MYO18A: variants seen among roughly 807,000 people sequenced by gnomAD.
MYO18A encodes the protein myosin XVIIIA.
Under a neutral mutation model 235.8 loss-of-function variants are expected in MYO18A, and 78 were observed. The observed-to-expected ratio is 0.33, with a 90% CI of 0.28 to 0.40. MYO18A has a LOEUF of 0.40. Ranked by LOEUF, MYO18A falls within the 10% of genes least tolerant of loss-of-function variation. The probability of loss-of-function intolerance (pLI) is 1.00; values close to 1 mark genes in which losing one functional copy is unlikely to be tolerated. For synonymous variants in MYO18A, 977 were observed against 1,077.8 expected, an observed-to-expected ratio of 0.91 and a Z score of 1.83; for missense variants, 2,215 against 2,699.3, an observed-to-expected ratio of 0.82 and a Z score of 3.98.
rs560285830 is a variant in MYO18A at position 29,166,189 on chromosome 17, C to T, written c.752G>A (p.Arg251Gln). The change falls in exon 2 of 42, where the codon CGG (arginine) becomes CAG (glutamine). Residue 251 changes from arginine to glutamine, a missense_variant. Transcript: ENST00000527372. ...LDRGPEGQACRRVVHFAEPGA... is the reference protein window; with the variant it reads ...LDRGPEGQACQRVVHFAEPGA... ...AGGCTCAGCAAAGTGGACCACACGC[C>T]GACAGGCCTGGCCCTCGGGGCCCCG... 1.9e-6 allele frequency: 3 copies of T among 1,612,866 alleles called. No homozygotes were observed. The highest frequency in any genetic ancestry group is 4.5e-5 in the East Asian group (2 of 44,888).
intron 2 of MYO18A, among the ~76,000 whole-genome samples, chr17:29,138,590 T>C (rs1249614293): frequency 6.6e-6 from 1 of 152,256 alleles, no homozygotes; most frequent in Non-Finnish European, 1.5e-5. Context: ...ATTTGGTATG[T>C]GTCAGGTGCT....
At chr17:29,115,620 T>A in intron 12 of MYO18A, 44 bp downstream of exon 12, 2 of 1,542,780 alleles carry the variant, frequency 1.3e-6, no homozygotes, top group Admixed American at 3.9e-5. Context: ...AAGCCCCAGA[T>A]GAGGCCTCAC....
chr17:29,125,882 A>G lies in MYO18A; in HGVS notation c.1000-3629T>C, dbSNP rs2067308839. ...CCAGGGACTGGGACCCACACACAAG[A>G]GTGGCATTACAGAAGCTGTGAAGAT... On this transcript the variant is annotated intron_variant, in intron 2 of 41. Coordinates refer to ENST00000527372, the MANE Select transcript of MYO18A (RefSeq NM_078471.4). This position sits in a 1 kb window ranked among gnomAD's most constrained non-coding sequence, Gnocchi z 5.1. 4 of 985,276 alleles carry G rather than the reference A, an allele frequency of 4.1e-6. No homozygotes were observed. Among genetic ancestry groups the G allele is most frequent in the Non-Finnish European group, 4.8e-6 (4 of 829,436 alleles). The allele number at this position is 985,276 out of a possible 1,614,324, so 61.0% of individuals were successfully genotyped here.
At chr17:29,154,121 T>TGTGTGTGTGTGCGCGCGCGCGCACGC in intron 2 of MYO18A, among the ~76,000 whole-genome samples, 1 of 149,108 alleles carries the variant, frequency 6.7e-6, no homozygotes, top group African/African-American at 2.5e-5. Context: ...TGTGTGTGTG[T>TGTGTGTGTGTGCGCGCGCGCGCACGC]GCGCGCGCGT....
In MYO18A at chr17:29,129,494, C is replaced by CG. The variant is rs1422877464; in HGVS notation, c.1000-7242dup. Among the ~76,000 whole-genome samples the CG allele has an allele frequency of 2.6e-5, 4 of 152,210 alleles. No homozygotes were observed. The East Asian group carries it at 7.7e-4, about 29-fold the overall frequency. On this transcript the variant is annotated intron_variant, in intron 2 of 41. Coordinates refer to ENST00000527372, the MANE Select transcript of MYO18A (RefSeq NM_078471.4). ...GCCACTGGAAGGCCAGGCTGGCTAA[C>CG]GGCAGGATAGAGTTTCCCATAAAGC...
chr17:29,073,996 A>C lies in MYO18A; in HGVS notation c.*774T>G. The C allele has an allele frequency of 1.2e-6, 2 of 1,613,408 alleles. No individual in the cohort carries two copies. Among genetic ancestry groups the C allele is most frequent in the South Asian group, 1.1e-5 (1 of 91,030 alleles). On this transcript the variant is annotated 3_prime_UTR_variant, in exon 42 of 42. Coordinates refer to ENST00000527372, the MANE Select transcript of MYO18A (RefSeq NM_078471.4). ...ATAGGTCATTGCACATAACACGCTG[A>C]GACAAAGAGGGTGGGGTGGGGGCTG... is the stretch of plus-strand genomic sequence containing the variant.
chr17:29,124,346 T>C (rs1567613871), intron 2 of MYO18A, among the ~76,000 whole-genome samples: 1 of 152,148 alleles, frequency 6.6e-6, no homozygotes, highest in Non-Finnish European at 1.5e-5. Flanking sequence ...TTGAAACACC[T>C]AGAACTCAAC....
chr17:29,085,521 G>T (rs604955), intron 40 of MYO18A, 83 bp downstream of exon 40: 1 of 1,268,482 alleles, frequency 7.9e-7, no homozygotes, highest in South Asian at 1.2e-5. Flanking sequence ...GCTGCGTGCA[G>T]CGGCCCCAGG....
At chr17:29,150,463 G>C (rs1301093837) in intron 2 of MYO18A, among the ~76,000 whole-genome samples, 1 of 152,280 alleles carries the variant, frequency 6.6e-6, no homozygotes, top group Non-Finnish European at 1.5e-5. Flanking sequence ...TAGGATTCCA[G>C]AGCTGGTGGT....
intron 33 of MYO18A, 118 bp from the exon 34 acceptor site, chr17:29,092,574 AC>A: frequency 1.1e-6 from 1 of 886,756 alleles, no homozygotes; most frequent in Non-Finnish European, 1.8e-6. Context: ...TTCACTTCAG[AC>A]CCCAGGGCCA....
rs1273016540 is a variant in MYO18A, at chr17:29,097,297, T to C, written c.4156A>G (p.Lys1386Glu). 1.2e-6 allele frequency: 2 copies of C among 1,611,248 alleles called. No homozygotes were observed. The highest frequency in any genetic ancestry group is 1.1e-5 in the South Asian group (1 of 91,062). ...TCAAACTCCTGCTGGAGCCGTTTCT[T>C]GGTGAAGTCCACCTCCCGCACAGCC... ...ERAVREVDFT[K>E]KRLQQEFEDK... The change falls in exon 27 of 42, where the codon AAG (lysine) becomes GAG (glutamate). Residue 1386 changes from lysine to glutamate, a missense_variant. Coordinates refer to ENST00000527372, the MANE Select transcript of MYO18A (RefSeq NM_078471.4).
At chr17:29,169,043 G>A (rs564779338) in intron 1 of MYO18A, among the ~76,000 whole-genome samples, 70 of 152,078 alleles carry the variant, frequency 4.6e-4, no homozygotes, top group African/African-American at 1.5e-3. Context: ...GATGGCACAC[G>A]CCTGTAATCC....
At chr17:29,155,054 A>G (rs1328095652) in intron 2 of MYO18A, among the ~76,000 whole-genome samples, 1 of 152,176 alleles carries the variant, frequency 6.6e-6, no homozygotes, top group East Asian at 1.9e-4. Context: ...ACGGAGAGTC[A>G]TGACAGTCTC....
In MYO18A at chr17:29,147,444, G is replaced by A. The variant is rs1402435999; in HGVS notation, c.999+18498C>T. ...GAAGTGGGAGGATCACCTGAGCCCA[G>A]GGAAGGTCAAGGCTGCAGTGAGTCA... On this transcript the variant is annotated intron_variant, in intron 2 of 41. Coordinates refer to ENST00000527372, the MANE Select transcript of MYO18A (RefSeq NM_078471.4). Among the ~76,000 whole-genome samples the A allele has an allele frequency of 5.3e-5, 8 of 152,174 alleles. No individual in the cohort carries two copies. In the East Asian group the frequency reaches 5.8e-4, roughly 11 times the overall value.
intron 34 of MYO18A, 102 bp from the exon 35 acceptor site, chr17:29,091,028 G>A (rs1026731747): frequency 3.3e-6 from 3 of 905,926 alleles, no homozygotes; most frequent in South Asian, 1.5e-5. Flanking sequence ...ATGATAATGG[G>A]CTGAGCCTGC....
chr17:29,110,932 C>T (rs71369701), intron 17 of MYO18A, among the ~76,000 whole-genome samples: 11,811 of 152,234 alleles, frequency 0.078, 613 homozygotes, highest in South Asian at 0.16. Context: ...TCCAATGTGA[C>T]AGGAGGGGTT....
rs181326697 is a variant in MYO18A at position 29,114,288 on chromosome 17, C to T, written c.2512-191G>A. On this transcript the variant is annotated intron_variant, in intron 14 of 41. Transcript: ENST00000527372. ...CTGTATTTTTTGCACAGCTAAAATTCTCAGAACCTCTTTTTATCCGAAGCC... is the reference window on the plus strand; with the variant it reads ...CTGTATTTTTTGCACAGCTAAAATTTTCAGAACCTCTTTTTATCCGAAGCC... The T allele has an allele frequency of 1.6e-3, 928 of 570,440 alleles. 1 individual carries two copies. Among genetic ancestry groups the T allele is most frequent in the Middle Eastern group, 3.9e-3 (10 of 2,590 alleles). 35.3% of individuals were successfully genotyped at this position (570,440 alleles called of 1,614,324 possible).
intron 40 of MYO18A, 121 bp downstream of exon 40, chr17:29,085,483 C>T (rs865829741): frequency 4.8e-6 from 4 of 829,176 alleles, no homozygotes; most frequent in Middle Eastern, 3.2e-4. Context: ...ACCAGTGAGG[C>T]GGGAGTGTGG....
At chr17:29,124,180 T>C (rs1237586600) in intron 2 of MYO18A, among the ~76,000 whole-genome samples, 1 of 151,982 alleles carries the variant, frequency 6.6e-6, no homozygotes, top group Non-Finnish European at 1.5e-5. Flanking sequence ...TAAGGTGACA[T>C]CATAGCCTGT....
Sources: allele counts gnomAD v4.1 joint callset (sites outside exome capture counted in the v4.1 genomes callset), GRCh38; gene constraint gnomAD v4.1.1; non-coding constraint Gnocchi (gnomAD v3.1); transcripts MANE v1.5; gene names NCBI Gene and HGNC (gene_info 2026-07-23, HGNC 2026-07-21).